The following EFCAB10 variants were observed in gnomAD, a reference collection of about 807,000 sequenced individuals.
EFCAB10 encodes the protein EF-hand calcium binding domain 10.
In EFCAB10, 7 loss-of-function variants were observed where a neutral mutation model predicts 7.7. That is an observed-to-expected ratio of 0.91 (90% confidence interval 0.52 to 1.72). The LOEUF (loss-of-function observed/expected upper bound fraction) is 1.72. Among genes scored for constraint, EFCAB10 ranks in the 40% most tolerant of loss-of-function variants. The pLI is 0.00. For synonymous variants in EFCAB10, 52 were observed against 21.0 expected (o/e 2.47, Z -4.03); for missense variants, 112 against 61.5 (o/e 1.82, Z -2.74).
rs563140440 is a variant in EFCAB10, at chr7:105,576,250, G to A, written c.106+5108C>T. Among the ~76,000 whole-genome samples, 6 of 152,188 alleles carry A rather than the reference G, an allele frequency of 3.9e-5. No homozygotes were observed. The East Asian group carries it at 1.2e-3, about 29-fold the overall frequency. ...CAGGCTAAGGTCCCAGACACTGAATGGACAAGTCCTTTCTCCTCTGCCATT... is the reference window on the plus strand; with the variant it reads ...CAGGCTAAGGTCCCAGACACTGAATAGACAAGTCCTTTCTCCTCTGCCATT... On this transcript the variant is annotated intron_variant, in intron 1 of 4. Coordinates refer to ENST00000480514, the MANE Select transcript of EFCAB10 (RefSeq NM_001355526.2).
Position 105,569,276 on chromosome 7 carries a change from C to T in EFCAB10, c.286G>A (p.Gly96Ser). 2 of 701,850 alleles carry T rather than the reference C, an allele frequency of 2.8e-6. No individual in the cohort carries two copies. Among genetic ancestry groups the T allele is most frequent in the South Asian group, 3.0e-5 (2 of 67,298 alleles). The allele number at this position is 701,850 out of a possible 1,614,324, so 43.5% of individuals were successfully genotyped here. A position where few individuals can be genotyped will look rare whatever the true frequency, so the allele number is the denominator to read the frequency against. ...VQYKEALKTLGLCTEDEDLQD... is the reference protein window; with the variant it reads ...VQYKEALKTLSLCTEDEDLQD... ...AAATCTTCATCTTCAGTGCATAGAC[C>T]CAGGGTTTTTAGGGCTGTAAAATAA... Residue 96 changes from glycine to serine, a missense_variant, in exon 3 of 5, where the codon GGT becomes AGT. By Grantham distance (56) the Gly-to-Ser change is moderately conservative. Transcript: ENST00000480514.
intron 4 of EFCAB10, chr7:105,566,790 T>G (rs1011149383): frequency 1.8e-5 from 3 of 166,162 alleles, no homozygotes; most frequent in Non-Finnish European, 2.6e-5. Context: ...CTTTCATTTA[T>G]CTCTTATTTT....
At chr7:105,571,762 A>C (rs1020730544) in intron 1 of EFCAB10, 7 of 152,336 alleles carry the variant, frequency 4.6e-5, no homozygotes, top group Admixed American at 6.5e-5. Context: ...AAGAGTTTCA[A>C]TGGGAAATCA....
intron 1 of EFCAB10, among the ~76,000 whole-genome samples, chr7:105,570,200 C>A: frequency 1.4e-5 from 1 of 72,426 alleles, no homozygotes; most frequent in African/African-American, 5.3e-5. Context: ...GGCAACAGAG[C>A]AAGACTCTCT....
At chr7:105,566,165 C>T (rs1006061309) in intron 4 of EFCAB10, among the ~76,000 whole-genome samples, 2 of 150,948 alleles carry the variant, frequency 1.3e-5, no homozygotes, top group African/African-American at 4.9e-5. Flanking sequence ...GTAGTCCCAC[C>T]TGCTTGGGAG....
At chr7:105,574,016 C>A (rs1457705804) in intron 1 of EFCAB10, among the ~76,000 whole-genome samples, 1 of 151,880 alleles carries the variant, frequency 6.6e-6, no homozygotes, top group African/African-American at 2.4e-5. Context: ...TTAAAGCCAT[C>A]CCCTAAAAAT....
intron 3 of EFCAB10, 83 bp from the exon 4 acceptor site, chr7:105,567,573 C>A (rs993184576): frequency 1.6e-6 from 1 of 629,940 alleles, no homozygotes; most frequent in South Asian, 1.8e-5. Context: ...CTGTTGAAGA[C>A]GAGCAGAGAT....
intron 1 of EFCAB10, among the ~76,000 whole-genome samples, chr7:105,574,205 T>C (rs1792015671): frequency 6.7e-6 from 1 of 149,562 alleles, no homozygotes. Flanking sequence ...CGTATATATA[T>C]AGACACACAC....
intron 1 of EFCAB10, 33 bp from the exon 2 acceptor site, chr7:105,569,604 C>T (rs915683781): frequency 3.7e-5 from 25 of 676,486 alleles, no homozygotes; most frequent in East Asian, 8.1e-5. Context: ...CTTTCTGATA[C>T]GAAATTAAAA....
rs376522341 is a variant in EFCAB10, at chr7:105,576,887, C to T, written c.106+4471G>A. ...TGGACAACATGGCAAAACCCCGTCT[C>T]TACTAAAAATACAAAAATTAGCTGG... On this transcript the variant is annotated intron_variant, in intron 1 of 4. Coordinates refer to ENST00000480514, the MANE Select transcript of EFCAB10 (RefSeq NM_001355526.2). 5.3e-5 allele frequency among the ~76,000 whole-genome samples: 8 copies of T among 152,260 alleles called. No individual in the cohort carries two copies. The East Asian group carries it at 1.4e-3, about 26-fold the overall frequency.
chr7:105,573,142 A>G (rs546107264), intron 1 of EFCAB10: 3 of 152,000 alleles, frequency 2.0e-5, no homozygotes, highest in East Asian at 3.9e-4. Flanking sequence ...CTTTTAATTT[A>G]TAGGTTTCCA....
At chr7:105,579,900 T>C (rs1792179863) in intron 1 of EFCAB10, among the ~76,000 whole-genome samples, 1 of 152,168 alleles carries the variant, frequency 6.6e-6, no homozygotes, top group Non-Finnish European at 1.5e-5. Context: ...TCAATAAAAA[T>C]GAAATTTAAA....
At chr7:105,567,784 C>A (rs1470229090) in intron 3 of EFCAB10, 11 of 298,034 alleles carry the variant, frequency 3.7e-5, no homozygotes, top group Non-Finnish European at 6.9e-5. Flanking sequence ...GTAATCCCAG[C>A]ACTTTGGGAG....
intron 1 of EFCAB10, among the ~76,000 whole-genome samples, chr7:105,578,401 A>G (rs1182651947): frequency 6.6e-6 from 1 of 152,244 alleles, no homozygotes; most frequent in African/African-American, 2.4e-5. Flanking sequence ...AGTAAATTAG[A>G]AAATCAAGCC....
intron 1 of EFCAB10, among the ~76,000 whole-genome samples, chr7:105,580,895 T>C (rs1304506974): frequency 6.6e-6 from 1 of 152,146 alleles, no homozygotes. Flanking sequence ...GAACATCTTC[T>C]ATCCTACCCT....
intron 1 of EFCAB10, among the ~76,000 whole-genome samples, chr7:105,577,368 T>G (rs1408374041): frequency 1.3e-5 from 2 of 152,182 alleles, no homozygotes; most frequent in Non-Finnish European, 2.9e-5. Flanking sequence ...GGGCTGAGTG[T>G]CATGAATTTG....
chr7:105,570,233 A>AT (rs1791903819), intron 1 of EFCAB10, among the ~76,000 whole-genome samples: 1 of 63,918 alleles, frequency 1.6e-5, no homozygotes, highest in Non-Finnish European at 3.0e-5. Flanking sequence ...AAAAAAAAAA[A>AT]AAAAAAAATA....
rs904888408 is a variant in EFCAB10 at position 105,565,214 on chromosome 7, G to T, written c.*233C>A. On this transcript the variant is annotated 3_prime_UTR_variant, in exon 5 of 5. Transcript: ENST00000480514. ...CAGAACACTTCCTCAAATTTAAAATGATTTAAAAACTTGAAAAATAGAAAC... is the reference window on the plus strand; with the variant it reads ...CAGAACACTTCCTCAAATTTAAAATTATTTAAAAACTTGAAAAATAGAAAC... 5 of 1,460,446 alleles carry T rather than the reference G, an allele frequency of 3.4e-6. No individual in the cohort carries two copies. The highest frequency in any genetic ancestry group is 4.6e-6 in the Non-Finnish European group (5 of 1,075,764). The allele number at this position is 1,460,446 out of a possible 1,614,324, so 90.5% of individuals were successfully genotyped here.
At chr7:105,578,001 T>G (rs376362660) in intron 1 of EFCAB10, among the ~76,000 whole-genome samples, 6 of 152,204 alleles carry the variant, frequency 3.9e-5, no homozygotes, top group Admixed American at 3.9e-4. Context: ...TGACCTCAAG[T>G]GATCTACCCA....
Sources: allele counts gnomAD v4.1 joint callset (sites outside exome capture counted in the v4.1 genomes callset), GRCh38; gene constraint gnomAD v4.1.1; transcripts MANE v1.5; gene names NCBI Gene and HGNC (gene_info 2026-07-23, HGNC 2026-07-21).